The following CDH20 variants were observed in gnomAD, a reference collection of about 807,000 sequenced individuals.
CDH20 encodes the protein cadherin-20.
CDH20 carries 29 observed loss-of-function variants against 74.2 expected under a neutral mutation model. The observed-to-expected ratio is 0.39, with a 90% CI of 0.29 to 0.53. The LOEUF is 0.53. Among genes scored for constraint, CDH20 ranks in the 20% least tolerant of loss-of-function variants. The pLI is 0.69. For missense variants in CDH20, 988 were observed against 1,048.3 expected, an observed-to-expected ratio of 0.94 and a Z score of 0.79; for synonymous variants, 469 against 405.4, an observed-to-expected ratio of 1.16 and a Z score of -1.88.
intron 1 of CDH20, among the ~76,000 whole-genome samples, chr18:61,435,952 C>T (rs1309305668): frequency 6.6e-6 from 1 of 152,106 alleles, no homozygotes; most frequent in African/African-American, 2.4e-5. Flanking sequence ...CCACCACAGC[C>T]CTAAGAAACC....
chr18:61,492,903 C>A (rs1911011131), intron 2 of CDH20, among the ~76,000 whole-genome samples: 1 of 152,216 alleles, frequency 6.6e-6, no homozygotes, highest in Admixed American at 6.5e-5. Context: ...CTCAAGATGA[C>A]ATTTAATAAA....
intron 5 of CDH20, among the ~76,000 whole-genome samples, chr18:61,505,354 T>C (rs1911526509): frequency 8.2e-6 from 1 of 122,588 alleles, no homozygotes; most frequent in Non-Finnish European, 1.8e-5. Flanking sequence ...TTTTTTTTTT[T>C]TGAGACAGGG....
intron 1 of CDH20, among the ~76,000 whole-genome samples, chr18:61,413,325 G>T (rs1912573960): frequency 6.6e-6 from 1 of 152,054 alleles, no homozygotes; most frequent in Admixed American, 6.6e-5. Context: ...CCTGGCCTTG[G>T]AATGCAATCA....
chr18:61,437,217 A>T (rs1432502212), intron 1 of CDH20, among the ~76,000 whole-genome samples: 3 of 152,154 alleles, frequency 2.0e-5, no homozygotes, highest in Non-Finnish European at 4.4e-5. Flanking sequence ...TAAATGGCAG[A>T]TGTCTTTATA....
intron 1 of CDH20, among the ~76,000 whole-genome samples, chr18:61,479,496 C>A (rs533728914): frequency 6.6e-6 from 1 of 152,242 alleles, no homozygotes; most frequent in African/African-American, 2.4e-5. Context: ...TATTTCAGTA[C>A]TAACTAAAAG....
At chr18:61,339,216 A>C (rs1031774205) in intron 1 of CDH20, among the ~76,000 whole-genome samples, 6 of 152,134 alleles carry the variant, frequency 3.9e-5, no homozygotes, top group Non-Finnish European at 7.4e-5. Context: ...ATATGTTGTT[A>C]AAATGTACAA....
chr18:61,392,251 C>T (rs578035235), intron 1 of CDH20, among the ~76,000 whole-genome samples: 151 of 144,256 alleles, frequency 1.0e-3, no homozygotes, highest in African/African-American at 3.6e-3. Context: ...TCACACTCTA[C>T]CTCCCATCTC....
intron 1 of CDH20, among the ~76,000 whole-genome samples, chr18:61,386,148 T>C (rs891859702): frequency 1.4e-4 from 21 of 152,208 alleles, no homozygotes; most frequent in African/African-American, 5.1e-4. Context: ...GTCAGAAATT[T>C]ATCAATAAAT....
intron 1 of CDH20, among the ~76,000 whole-genome samples, chr18:61,347,218 G>A (rs1307627107): frequency 2.7e-5 from 4 of 148,544 alleles, no homozygotes; most frequent in Non-Finnish European, 5.9e-5. Context: ...GGAGGGCAGG[G>A]TGGGTAGATC....
At chr18:61,383,456 C>T (rs1012319940) in intron 1 of CDH20, among the ~76,000 whole-genome samples, 15 of 152,096 alleles carry the variant, frequency 9.9e-5, no homozygotes, top group Admixed American at 1.3e-4. Context: ...TGGCATGGGC[C>T]TGTAATCCCA....
At chr18:61,380,351 T>C (rs1324221682) in intron 1 of CDH20, among the ~76,000 whole-genome samples, 1 of 152,160 alleles carries the variant, frequency 6.6e-6, no homozygotes, top group Admixed American at 6.6e-5. Context: ...CGCACATATA[T>C]ATTATAAATA....
chr18:61,528,044 G>C lies in CDH20; in HGVS notation c.1095G>C (p.Leu365=), dbSNP rs774863997. 3.5e-5 allele frequency: 57 copies of C among 1,614,044 alleles called. No homozygotes were observed. The highest frequency in any genetic ancestry group is 4.5e-5 in the Non-Finnish European group (53 of 1,180,040). The part of the protein sequence containing the change: ...GANPHLEMRF[L]NLGPFQDTTT... ...ATCCTCACCTAGAGATGCGTTTTCT[G>C]AACTTGGGCCCATTTCAGGACACAA... Residue 365 remains leucine (L), a synonymous_variant, in exon 7 of 12, where the codon CTG becomes CTC. Transcript: ENST00000262717.
intron 1 of CDH20, chr18:61,404,896 T>C: frequency 1.5e-6 from 1 of 667,190 alleles, no homozygotes; most frequent in South Asian, 1.5e-5. Flanking sequence ...CTTCTAATGG[T>C]GTCAGAATCA....
At chr18:61,351,786 A>C (rs1464637213) in intron 1 of CDH20, among the ~76,000 whole-genome samples, 1 of 152,080 alleles carries the variant, frequency 6.6e-6, no homozygotes, top group African/African-American at 2.4e-5. Context: ...TACCTGTGTC[A>C]TGAGATTGAT....
At chr18:61,424,356 C>T (rs1912995333) in intron 1 of CDH20, among the ~76,000 whole-genome samples, 1 of 152,218 alleles carries the variant, frequency 6.6e-6, no homozygotes, top group East Asian at 1.9e-4. Context: ...TGAAGACTTG[C>T]CTGCCATCTT....
intron 1 of CDH20, among the ~76,000 whole-genome samples, chr18:61,388,675 C>CT (rs1239534261): frequency 6.6e-6 from 1 of 152,134 alleles, no homozygotes; most frequent in Non-Finnish European, 1.5e-5. Context: ...TAGGCAAACA[C>CT]TTTTAAGTGG....
At chr18:61,535,119 C>T (rs910108492) in intron 7 of CDH20, among the ~76,000 whole-genome samples, 1 of 151,842 alleles carries the variant, frequency 6.6e-6, no homozygotes, top group African/African-American at 2.4e-5. Flanking sequence ...AGTTTGAGAC[C>T]CGACTGGCCA....
chr18:61,428,639 T>G (rs556848410), intron 1 of CDH20, among the ~76,000 whole-genome samples: 1 of 152,318 alleles, frequency 6.6e-6, no homozygotes, highest in East Asian at 1.9e-4. Flanking sequence ...TGTGCCTGCC[T>G]CATTTCCTTT....
chr18:61,484,737 CCACA>C lies in CDH20; in HGVS notation c.-152-5618_-152-5615del, dbSNP rs36203080. On this transcript the variant is annotated intron_variant, in intron 1 of 11. Transcript: ENST00000262717. Reference sequence around the variant, plus strand: ...TTCTACCAATTTTTTTTGCTCTACTCCACACACACACACACACACACACACACAC... The same window carrying C: ...TTCTACCAATTTTTTTTGCTCTACTCCACACACACACACACACACACACAC... Among the ~76,000 whole-genome samples, 588 of 146,336 alleles carry C rather than the reference CCACA, an allele frequency of 4.0e-3. 2 individuals carry two copies. Among genetic ancestry groups the C allele is most frequent in the African/African-American group, 0.013 (508 of 39,214 alleles).
Sources: gnomAD v4.1 joint callset for allele counts (sites outside exome capture counted in the v4.1 genomes callset) on GRCh38, gnomAD v4.1.1 for gene constraint, MANE v1.5 for transcripts, NCBI Gene and HGNC (gene_info 2026-07-23, HGNC 2026-07-21) for gene names.